The following SLC12A2 variants were observed in gnomAD, a reference collection of about 807,000 sequenced individuals.
SLC12A2 encodes the protein solute carrier family 12 member 2, also known as Na-K-2Cl cotransporter 1.
A neutral mutation model predicts 136.3 loss-of-function variants in SLC12A2; 67 were observed. That is an observed-to-expected ratio of 0.49 (90% CI 0.40 to 0.60). The LOEUF (loss-of-function observed/expected upper bound fraction) is 0.60. Ranked by LOEUF, SLC12A2 falls within the 20% of genes least tolerant of loss-of-function variation. SLC12A2 has a pLI of 0.00. For missense variants in SLC12A2, 1,322 were observed against 1,534.7 expected (o/e 0.86, Z 2.32); for synonymous variants, 619 against 562.9 (o/e 1.10, Z -1.41).
chr5:128,098,004 C>T (rs1052877570), intron 1 of SLC12A2, among the ~76,000 whole-genome samples: 1 of 151,954 alleles, frequency 6.6e-6, no homozygotes, highest in Non-Finnish European at 1.5e-5. Flanking sequence ...TTCAGTATGC[C>T]ATTTCAATGT....
intron 4 of SLC12A2, among the ~76,000 whole-genome samples, chr5:128,123,990 A>G (rs1761684838): frequency 6.6e-6 from 1 of 152,194 alleles, no homozygotes; most frequent in Non-Finnish European, 1.5e-5. Context: ...CAGTATTCAT[A>G]TGGATATCCA....
intron 1 of SLC12A2, among the ~76,000 whole-genome samples, chr5:128,088,049 A>G (rs972091560): frequency 1.6e-4 from 11 of 68,378 alleles, no homozygotes; most frequent in Non-Finnish European, 3.9e-4. Flanking sequence ...GTCTGTATAT[A>G]AACATATGTA....
chr5:128,167,409 T>C (rs1027308550), intron 17 of SLC12A2, among the ~76,000 whole-genome samples: 14 of 152,144 alleles, frequency 9.2e-5, no homozygotes, highest in African/African-American at 3.1e-4. Context: ...ATGGCTGTTA[T>C]CACAATATAT....
At chr5:128,182,100 A>T (rs1763724889) in intron 23 of SLC12A2, among the ~76,000 whole-genome samples, 1 of 152,154 alleles carries the variant, frequency 6.6e-6, no homozygotes, top group South Asian at 2.1e-4. Context: ...AGATCCTGGA[A>T]TTCAACTGTT....
At chr5:128,174,838 A>G (rs1020051307) in intron 20 of SLC12A2, among the ~76,000 whole-genome samples, 172 bp downstream of exon 20, 4 of 152,092 alleles carry the variant, frequency 2.6e-5, no homozygotes, top group African/African-American at 9.6e-5. Context: ...CAAAATGACT[A>G]GCTGTGTAAG....
At chr5:128,138,787 T>G in intron 8 of SLC12A2, 37 bp from the exon 9 acceptor site, 1 of 1,602,596 alleles carries the variant, frequency 6.2e-7, no homozygotes, top group Non-Finnish European at 8.5e-7. Context: ...ATATTTATTT[T>G]TACAGATAGA....
chr5:128,135,147 A>G (rs1346179407), intron 6 of SLC12A2, among the ~76,000 whole-genome samples: 1 of 152,084 alleles, frequency 6.6e-6, no homozygotes, highest in Non-Finnish European at 1.5e-5. Flanking sequence ...AGAGTGGAGA[A>G]GGGGAAATGG....
chr5:128,121,711 G>A (rs1244988434), intron 4 of SLC12A2, among the ~76,000 whole-genome samples: 2 of 152,162 alleles, frequency 1.3e-5, no homozygotes, highest in Admixed American at 1.3e-4. Context: ...GCAGTGCCAA[G>A]GAACTGATAA....
intron 17 of SLC12A2, among the ~76,000 whole-genome samples, chr5:128,162,370 C>T (rs1763069096): frequency 6.6e-6 from 1 of 151,550 alleles, no homozygotes; most frequent in African/African-American, 2.4e-5. Context: ...AAGCATGGGC[C>T]AGAATAAATC....
At chr5:128,171,201 T>G (rs1008107081) in intron 18 of SLC12A2, 1 of 153,306 alleles carries the variant, frequency 6.5e-6, no homozygotes, top group South Asian at 2.1e-4. Flanking sequence ...TTTAAAATTA[T>G]GTTAAAATTC....
At chr5:128,151,751 A>AG (rs1561689531) in intron 14 of SLC12A2, among the ~76,000 whole-genome samples, 1 of 152,152 alleles carries the variant, frequency 6.6e-6, no homozygotes, top group African/African-American at 2.4e-5. Flanking sequence ...GTACTGTAGT[A>AG]GCTGTATAGC....
intron 13 of SLC12A2, among the ~76,000 whole-genome samples, chr5:128,150,595 G>A (rs983475432): frequency 8.6e-5 from 13 of 151,458 alleles, no homozygotes; most frequent in Admixed American, 7.9e-4. Flanking sequence ...TCTAACATCA[G>A]GTTTTTACTT....
chr5:128,128,149 TGTG>T (rs1481577320), intron 4 of SLC12A2, among the ~76,000 whole-genome samples: 4 of 152,194 alleles, frequency 2.6e-5, no homozygotes, highest in Non-Finnish European at 4.4e-5. Context: ...ATAGTTCTGT[TGTG>T]GTCAGTAATA....
chr5:128,170,981 A>C (rs994983535), intron 18 of SLC12A2: 14 of 152,410 alleles, frequency 9.2e-5, no homozygotes, highest in African/African-American at 3.4e-4. Context: ...CTGTACTCCC[A>C]GCTACTCGGG....
chr5:128,104,652 T>A (rs1045829185), intron 1 of SLC12A2, among the ~76,000 whole-genome samples: 47 of 139,694 alleles, frequency 3.4e-4, no homozygotes, highest in Non-Finnish European at 5.6e-4. Flanking sequence ...AAAAAAAATA[T>A]ATATATATAG....
At chr5:128,177,326 T>C (rs1403926323) in intron 21 of SLC12A2, among the ~76,000 whole-genome samples, 174 bp downstream of exon 21, 1 of 152,098 alleles carries the variant, frequency 6.6e-6, no homozygotes, top group Non-Finnish European at 1.5e-5. Flanking sequence ...AAGTTAAATA[T>C]TCTCAGGAAA....
chr5:128,118,730 AT>A (rs562349790), intron 4 of SLC12A2, among the ~76,000 whole-genome samples: 86 of 151,846 alleles, frequency 5.7e-4, no homozygotes, highest in African/African-American at 1.7e-3. Flanking sequence ...TATTGAAATA[AT>A]TTTTTTTTAA....
At chr5:128,105,590 A>G (rs1561659557) in intron 1 of SLC12A2, among the ~76,000 whole-genome samples, 1 of 152,226 alleles carries the variant, frequency 6.6e-6, no homozygotes, top group Non-Finnish European at 1.5e-5. Context: ...CTGCACTATT[A>G]GAAACTTTGG....
chr5:128,117,780 A>G (rs1761403660), intron 4 of SLC12A2, among the ~76,000 whole-genome samples: 2 of 152,216 alleles, frequency 1.3e-5, no homozygotes, highest in South Asian at 4.1e-4. Context: ...CAGAGTAAAC[A>G]GACAACCCAC....
Sources: allele counts gnomAD v4.1 joint callset (sites outside exome capture counted in the v4.1 genomes callset), GRCh38; gene constraint gnomAD v4.1.1; transcripts MANE v1.5; gene names NCBI Gene and HGNC (gene_info 2026-07-23, HGNC 2026-07-21).